RIPOR3: variants seen among roughly 807,000 people sequenced by gnomAD.
The protein encoded by RIPOR3 is RIPOR family member 3.
A neutral mutation model predicts 114.3 loss-of-function variants in RIPOR3; 95 were observed. That is an observed-to-expected ratio of 0.83 (90% confidence interval 0.70 to 0.99). The LOEUF (loss-of-function observed/expected upper bound fraction) is 0.99. Among genes scored for constraint, RIPOR3 ranks in the 50% least tolerant of loss-of-function variants. The pLI, the probability that RIPOR3 is intolerant of heterozygous loss-of-function variation, is 0.00. For synonymous variants in RIPOR3, 575 were observed against 543.8 expected (o/e 1.06, Z -0.80); for missense variants, 1,252 against 1,266.9 (o/e 0.99, Z 0.18).
At chr20:50,622,235 G>A (rs1445830382) in intron 2 of RIPOR3, among the ~76,000 whole-genome samples, 4 of 149,716 alleles carry the variant, frequency 2.7e-5, no homozygotes, top group Admixed American at 2.0e-4. Flanking sequence ...AGCCTGGAGT[G>A]CAATGGTGCA....
rs1261870482 is a variant in RIPOR3 at position 50,586,911 on chromosome 20, C to A, written c.*321G>T. 8 of 273,778 alleles carry A rather than the reference C, an allele frequency of 2.9e-5. No homozygotes were observed. Among genetic ancestry groups the A allele is most frequent in the African/African-American group, 1.3e-4 (6 of 46,322 alleles). 17.0% of individuals were successfully genotyped at this position (273,778 alleles called of 1,614,324 possible). On this transcript the variant is annotated 3_prime_UTR_variant, in exon 22 of 22. Transcript: ENST00000327979. ...GGGCCTCAACTTGCCTGGCCTTGGC[C>A]CTTTTGTAGGTGGCCACCTAGTTTG...
At chr20:50,657,748 C>CTTTTTT (rs1272938455) in intron 1 of RIPOR3, among the ~76,000 whole-genome samples, 19 of 109,044 alleles carry the variant, frequency 1.7e-4, no homozygotes, top group Non-Finnish European at 2.1e-4. Context: ...ATGTCTTTTA[C>CTTTTTT]TTTTTTTTTT....
chr20:50,666,421 C>T (rs1375974728), intron 1 of RIPOR3, among the ~76,000 whole-genome samples: 6 of 150,894 alleles, frequency 4.0e-5, no homozygotes, highest in African/African-American at 9.8e-5. Flanking sequence ...GATGGGGTTT[C>T]GCCTGTTGCT....
chr20:50,637,946 T>C (rs56077165), intron 1 of RIPOR3, among the ~76,000 whole-genome samples: 29,762 of 151,128 alleles, frequency 0.2, 4,370 homozygotes, highest in African/African-American at 0.42. Flanking sequence ...ATGGGTCTTG[T>C]TATGTCACCC....
chr20:50,678,739 C>T (rs1303463696), intron 1 of RIPOR3, among the ~76,000 whole-genome samples: 1 of 152,116 alleles, frequency 6.6e-6, no homozygotes, highest in African/African-American at 2.4e-5. Flanking sequence ...TGACACAGGA[C>T]TTTGCACATG....
chr20:50,595,194 G>T, intron 16 of RIPOR3, 175 bp downstream of exon 16: 1 of 780,984 alleles, frequency 1.3e-6, no homozygotes, highest in South Asian at 1.7e-5. Context: ...TCCAGGACTT[G>T]TCTCCCTTAC....
At chr20:50,611,733 T>C (rs1403388647) in intron 4 of RIPOR3, among the ~76,000 whole-genome samples, 1 of 152,024 alleles carries the variant, frequency 6.6e-6, no homozygotes, top group Non-Finnish European at 1.5e-5. Flanking sequence ...TAATATATCA[T>C]CAGGGCAGGC....
chr20:50,589,733 CGTT>C lies in RIPOR3; in HGVS notation c.2611_2613del (p.Asn871del), dbSNP rs769549112. The stretch of plus-strand genomic sequence containing the variant: ...CATGCGGCCTGCTGGAGCCTTGCGT[CGTT>C]CTCTGCCAGGGCGTTGGTGTAGAAC... On this transcript the variant is annotated inframe_deletion, in exon 20 of 22. Coordinates refer to ENST00000327979, the MANE Select transcript of RIPOR3 (RefSeq NM_001290268.2). The C allele has an allele frequency of 6.2e-7, 1 of 1,613,784 alleles. No individual in the cohort carries two copies. Among genetic ancestry groups the C allele is most frequent in the Non-Finnish European group, 8.5e-7 (1 of 1,179,850 alleles).
intron 3 of RIPOR3, 128 bp from the exon 4 acceptor site, chr20:50,616,208 G>C (rs145589024): frequency 2.3e-6 from 2 of 852,140 alleles, no homozygotes; most frequent in African/African-American, 3.3e-5. Flanking sequence ...AGGCAGGTAG[G>C]AAGCCAGGCT....
rs2085905810 is a variant in RIPOR3 at position 50,658,965 on chromosome 20, G to A, written c.4-28109C>T. Among the ~76,000 whole-genome samples the A allele has an allele frequency of 4.6e-5, 7 of 152,260 alleles. No individual in the cohort carries two copies. The South Asian group carries it at 1.5e-3, about 32-fold the overall frequency. ...TCTAGGTGGCAGATGGAGTTAGCAAGTACCCAGTGCCAAACGGAACTGTTG... is the reference window on the plus strand; with the variant it reads ...TCTAGGTGGCAGATGGAGTTAGCAAATACCCAGTGCCAAACGGAACTGTTG... On this transcript the variant is annotated intron_variant, in intron 1 of 21. Coordinates refer to ENST00000327979, the MANE Select transcript of RIPOR3 (RefSeq NM_001290268.2).
chr20:50,666,686 A>C (rs1465507837), intron 1 of RIPOR3, among the ~76,000 whole-genome samples: 1 of 151,888 alleles, frequency 6.6e-6, no homozygotes, highest in Non-Finnish European at 1.5e-5. Flanking sequence ...TCAGCCTCCC[A>C]AGTAGCTGGG....
chr20:50,666,558 TTTTGTTGTTG>T (rs2123493335), intron 1 of RIPOR3, among the ~76,000 whole-genome samples: 1 of 144,122 alleles, frequency 6.9e-6, no homozygotes, highest in East Asian at 2.2e-4. Context: ...TTTGTTTGTT[TTTTGTTGTTG>T]TTTGTTGTTT....
rs528700945 is a variant in RIPOR3 at position 50,656,070 on chromosome 20, C to T, written c.4-25214G>A. Among the ~76,000 whole-genome samples the T allele has an allele frequency of 2.6e-4, 39 of 151,640 alleles. No homozygotes were observed. In the South Asian group the frequency reaches 3.3e-3, roughly 13 times the overall value. On this transcript the variant is annotated intron_variant, in intron 1 of 21. Coordinates refer to ENST00000327979, the MANE Select transcript of RIPOR3 (RefSeq NM_001290268.2). ...GCCCAGGCTGGAGTGCAGTAGCATGCGATCTTGGCTCACTGCAACCTCCAC... is the reference window on the plus strand; with the variant it reads ...GCCCAGGCTGGAGTGCAGTAGCATGTGATCTTGGCTCACTGCAACCTCCAC...
intron 21 of RIPOR3, 131 bp downstream of exon 21, chr20:50,587,671 G>A: frequency 1.2e-6 from 1 of 816,474 alleles, no homozygotes; most frequent in South Asian, 1.6e-5. Context: ...CTCTGTGCCA[G>A]GGCTGCTAAC....
At chr20:50,643,117 C>A (rs150330474) in intron 1 of RIPOR3, among the ~76,000 whole-genome samples, 2,649 of 143,408 alleles carry the variant, frequency 0.018, 91 homozygotes, top group African/African-American at 0.069. Context: ...AGCCTGTAAT[C>A]TCAGCACTTT....
intron 2 of RIPOR3, among the ~76,000 whole-genome samples, chr20:50,624,411 C>T (rs6126051): frequency 0.02 from 2,978 of 152,274 alleles, 64 homozygotes; most frequent in East Asian, 0.11. Context: ...AGGTGTGCAC[C>T]GTTGGCCCAG....
intron 20 of RIPOR3, among the ~76,000 whole-genome samples, chr20:50,588,612 A>T (rs1163243335): frequency 1.3e-5 from 2 of 152,176 alleles, no homozygotes; most frequent in African/African-American, 4.8e-5. Context: ...ATGTTTTTTT[A>T]AAGCTTTATG....
At chr20:50,594,407 G>A (rs2083217561) in intron 17 of RIPOR3, 146 bp downstream of exon 17, 2 of 979,138 alleles carry the variant, frequency 2.0e-6, no homozygotes, top group African/African-American at 3.3e-5. Context: ...TCGCACTGAA[G>A]CTGAGAAAGC....
chr20:50,676,947 G>C (rs955910527), intron 1 of RIPOR3, among the ~76,000 whole-genome samples: 2 of 152,050 alleles, frequency 1.3e-5, no homozygotes, highest in Admixed American at 6.6e-5. Context: ...CAGTCACCAA[G>C]CACCAGCTGC....
Sources: allele counts gnomAD v4.1 joint callset (sites outside exome capture counted in the v4.1 genomes callset), GRCh38; gene constraint gnomAD v4.1.1; transcripts MANE v1.5; gene names NCBI Gene and HGNC (gene_info 2026-07-23, HGNC 2026-07-21).